The following BORCS5 variants were observed in gnomAD, a reference collection of about 807,000 sequenced individuals.
BORCS5 encodes the protein BLOC-1 related complex subunit 5.
A neutral mutation model predicts 22.1 loss-of-function variants in BORCS5; 17 were observed. The observed-to-expected ratio is 0.77, with a 90% CI of 0.53 to 1.15. The LOEUF (loss-of-function observed/expected upper bound fraction) is 1.15. Among genes scored for constraint, BORCS5 ranks in the 50% most tolerant of loss-of-function variants. The pLI is 0.00. For synonymous variants in BORCS5, 117 were observed against 99.8 expected (o/e 1.17, Z -1.03); for missense variants, 247 against 253.2 (o/e 0.98, Z 0.17).
chr12:12,462,682 A>G (rs1198777200), intron 3 of BORCS5, among the ~76,000 whole-genome samples: 1 of 124,880 alleles, frequency 8.0e-6, no homozygotes, highest in Non-Finnish European at 1.7e-5. Flanking sequence ...TTGGAGATGG[A>G]GTCTCGCTCT....
chr12:12,413,937 AC>A (rs1941823120), intron 2 of BORCS5, among the ~76,000 whole-genome samples: 1 of 31,076 alleles, frequency 3.2e-5, no homozygotes, highest in East Asian at 6.2e-4. Flanking sequence ...CGGGGGGCTG[AC>A]CCCCCCACCT....
At chr12:12,440,495 T>C (rs747989544) in intron 3 of BORCS5, among the ~76,000 whole-genome samples, 1 of 151,494 alleles carries the variant, frequency 6.6e-6, no homozygotes, top group Non-Finnish European at 1.5e-5. Context: ...AACAGAAATA[T>C]GAAAAAGGCA....
intron 2 of BORCS5, among the ~76,000 whole-genome samples, chr12:12,398,070 T>G (rs1327150968): frequency 1.3e-5 from 2 of 152,216 alleles, no homozygotes; most frequent in African/African-American, 2.4e-5. Context: ...CTTGTATACA[T>G]GTGTATAGCG....
At chr12:12,403,430 C>T (rs766176010) in intron 2 of BORCS5, among the ~76,000 whole-genome samples, 2 of 152,148 alleles carry the variant, frequency 1.3e-5, no homozygotes, top group Non-Finnish European at 2.9e-5. Context: ...CTTGGGCACA[C>T]CAAGGATTTC....
chr12:12,459,235 A>C (rs1300715601), intron 3 of BORCS5, among the ~76,000 whole-genome samples: 1 of 152,012 alleles, frequency 6.6e-6, no homozygotes, highest in Admixed American at 6.5e-5. Context: ...AGTTTTGATG[A>C]AAATCAATTT....
intron 2 of BORCS5, among the ~76,000 whole-genome samples, chr12:12,415,440 C>G (rs375375555): frequency 0.031 from 4,640 of 150,444 alleles, 22 homozygotes; most frequent in Middle Eastern, 0.069. Flanking sequence ...ATCGCAGGCA[C>G]TCGGCAGGCT....
chr12:12,390,085 G>T (rs974149872), intron 2 of BORCS5, among the ~76,000 whole-genome samples: 3 of 151,952 alleles, frequency 2.0e-5, no homozygotes, highest in Admixed American at 6.6e-5. Context: ...TTCCACATAG[G>T]CCTGCTAAAA....
chr12:12,467,367 G>A lies in BORCS5; in HGVS notation c.*1591G>A, dbSNP rs945934934. ...GGTGACACATGAAAGCACAGAGTGG[G>A]TGGCAGTTCAAGCCTGCGAGGGCCG... On this transcript the variant is annotated 3_prime_UTR_variant, in exon 4 of 4. Transcript: ENST00000314565. 5 of 152,248 alleles carry A rather than the reference G, an allele frequency of 3.3e-5. No homozygotes were observed. The highest frequency in any genetic ancestry group is 1.2e-4 in the African/African-American group (5 of 41,444). The allele number at this position is 152,248 out of a possible 1,614,324, so 9.4% of individuals were successfully genotyped here. A position where few individuals can be genotyped will look rare whatever the true frequency, so the allele number is the denominator to read the frequency against.
At chr12:12,385,272 T>C (rs1863856307) in intron 2 of BORCS5, among the ~76,000 whole-genome samples, 1 of 151,442 alleles carries the variant, frequency 6.6e-6, no homozygotes, top group Non-Finnish European at 1.5e-5. Context: ...CGTGTTAGTA[T>C]AGCTTTTGGC....
chr12:12,421,540 T>C (rs1303253625), intron 2 of BORCS5, among the ~76,000 whole-genome samples: 1 of 152,238 alleles, frequency 6.6e-6, no homozygotes, highest in East Asian at 1.9e-4. Flanking sequence ...TGCCAGGCTT[T>C]GGTATCAGGA....
At chr12:12,449,370 G>A (rs1349622516) in intron 3 of BORCS5, among the ~76,000 whole-genome samples, 1 of 152,176 alleles carries the variant, frequency 6.6e-6, no homozygotes, top group Non-Finnish European at 1.5e-5. Context: ...TGTCCCTCAG[G>A]CTTTTATTTT....
intron 3 of BORCS5, among the ~76,000 whole-genome samples, chr12:12,437,956 T>A (rs1283723931): frequency 1.3e-5 from 2 of 151,968 alleles, no homozygotes; most frequent in Admixed American, 1.3e-4. Context: ...TTCAAACTCC[T>A]CAGCTCAAGC....
intron 2 of BORCS5, among the ~76,000 whole-genome samples, chr12:12,425,776 A>G (rs1428635288): frequency 2.0e-5 from 3 of 152,148 alleles, no homozygotes; most frequent in African/African-American, 7.2e-5. Context: ...GAGGAATGAG[A>G]TCATTTCTTT....
At chr12:12,380,644 A>G (rs1167095464) in intron 2 of BORCS5, among the ~76,000 whole-genome samples, 1 of 151,432 alleles carries the variant, frequency 6.6e-6, no homozygotes, top group Non-Finnish European at 1.5e-5. Flanking sequence ...TAGGAACGGA[A>G]TTGGTAGGTT....
intron 3 of BORCS5, among the ~76,000 whole-genome samples, chr12:12,442,916 G>A (rs1942714041): frequency 6.6e-6 from 1 of 152,318 alleles, no homozygotes; most frequent in Admixed American, 6.5e-5. Context: ...TTAAGACCCA[G>A]CTGGAGTCAT....
chr12:12,378,837 C>T (rs952125335), intron 2 of BORCS5, among the ~76,000 whole-genome samples: 5 of 151,312 alleles, frequency 3.3e-5, no homozygotes, highest in Non-Finnish European at 5.9e-5. Context: ...ACTGCAGCCT[C>T]GACCTCCCAG....
intron 2 of BORCS5, among the ~76,000 whole-genome samples, chr12:12,416,265 A>G (rs2136097140): frequency 1.3e-5 from 2 of 151,952 alleles, no homozygotes; most frequent in South Asian, 2.1e-4. Context: ...TATCTTTTTA[A>G]AGAATCAACT....
At chr12:12,371,879 T>A (rs1863537151) in intron 2 of BORCS5, among the ~76,000 whole-genome samples, 1 of 152,110 alleles carries the variant, frequency 6.6e-6, no homozygotes, top group Non-Finnish European at 1.5e-5. Flanking sequence ...GGTCTTTTTT[T>A]CTGTCATGTC....
At chr12:12,451,875 A>G (rs910310053) in intron 3 of BORCS5, among the ~76,000 whole-genome samples, 37 of 150,566 alleles carry the variant, frequency 2.5e-4, no homozygotes, top group Admixed American at 6.6e-5. Flanking sequence ...CCGAGATCGC[A>G]CCACTGCACT....
Sources: allele counts gnomAD v4.1 joint callset (sites outside exome capture counted in the v4.1 genomes callset), GRCh38; gene constraint gnomAD v4.1.1; transcripts MANE v1.5; gene names NCBI Gene and HGNC (gene_info 2026-07-23, HGNC 2026-07-21).